HDAC9: variants seen among roughly 807,000 people sequenced by gnomAD.
The protein encoded by HDAC9 is histone deacetylase 9, also known as MEF-2 interacting transcription repressor (MITR) protein.
Under a neutral mutation model 139.4 loss-of-function variants are expected in HDAC9, and 41 were observed. The observed-to-expected ratio is 0.29, with a 90% CI of 0.23 to 0.38. The LOEUF is 0.38. HDAC9 is among the 10% of genes least tolerant of loss of function. The pLI is 1.00. For synonymous variants in HDAC9, 517 were observed against 476.2 expected (o/e 1.09, Z -1.12); for missense variants, 1,147 against 1,297.0 (o/e 0.88, Z 1.78).
At chr7:18,849,038 C>G (rs1797096097) in intron 21 of HDAC9, among the ~76,000 whole-genome samples, 1 of 152,144 alleles carries the variant, frequency 6.6e-6, no homozygotes, top group Admixed American at 6.5e-5. Flanking sequence ...TTCTATAGAA[C>G]ACAGTTTGAA....
chr7:18,378,154 A>G (rs1785138605), intron 1 of HDAC9, among the ~76,000 whole-genome samples: 1 of 152,176 alleles, frequency 6.6e-6, no homozygotes, highest in Admixed American at 6.5e-5. Context: ...TACTGATAGC[A>G]CTGACTGAAT....
chr7:18,702,811 T>G (rs1783610722), intron 12 of HDAC9, among the ~76,000 whole-genome samples: 1 of 152,230 alleles, frequency 6.6e-6, no homozygotes, highest in African/African-American at 2.4e-5. Context: ...CAACCAACAC[T>G]GCGGTTTTGT....
At chr7:18,352,218 A>T (rs1187976834) in intron 1 of HDAC9, among the ~76,000 whole-genome samples, 1 of 152,182 alleles carries the variant, frequency 6.6e-6, no homozygotes, top group Non-Finnish European at 1.5e-5. Flanking sequence ...TTTTTCTGAA[A>T]AATGTACATG....
At chr7:18,910,359 A>G (rs994630874) in intron 22 of HDAC9, among the ~76,000 whole-genome samples, 2 of 151,874 alleles carry the variant, frequency 1.3e-5, no homozygotes, top group African/African-American at 4.8e-5. Flanking sequence ...GTAGCTCACT[A>G]TTGGTATACA....
At chr7:18,396,059 C>A (rs574962976) in intron 1 of HDAC9, among the ~76,000 whole-genome samples, 1 of 145,906 alleles carries the variant, frequency 6.9e-6, no homozygotes, top group Admixed American at 6.9e-5. Context: ...GATTGTCCTG[C>A]CAATGACTCT....
chr7:18,136,629 T>C (rs1785439068), intron 1 of HDAC9, among the ~76,000 whole-genome samples: 1 of 152,202 alleles, frequency 6.6e-6, no homozygotes, highest in Non-Finnish European at 1.5e-5. Context: ...TGCGGTGTTA[T>C]TTCTGAGGGC....
intron 11 of HDAC9, among the ~76,000 whole-genome samples, chr7:18,660,245 C>A (rs934812716): frequency 1.3e-5 from 2 of 152,102 alleles, no homozygotes; most frequent in Non-Finnish European, 2.9e-5. Context: ...CAGCCTTAGT[C>A]AGATACCTAA....
Position 18,378,315 on chromosome 7 carries a change from A to C in HDAC9, c.-42+87800A>C, listed in dbSNP as rs377098629. On this transcript the variant is annotated intron_variant, in intron 1 of 3. Transcript: ENST00000413509. ...AGTTAAATTTCTGAGAGAGTAATTA[A>C]TTTAGTATGTGTTTGTTTATATCCG... Among the ~76,000 whole-genome samples, 6 of 152,292 alleles carry C rather than the reference A, an allele frequency of 3.9e-5. No individual in the cohort carries two copies. The East Asian group carries it at 9.6e-4, about 24-fold the overall frequency.
intron 6 of HDAC9, among the ~76,000 whole-genome samples, chr7:18,606,204 C>T (rs140449695): frequency 1.2e-4 from 19 of 152,228 alleles, no homozygotes; most frequent in African/African-American, 4.1e-4. Context: ...GATAGATCTA[C>T]GAAAATAATT....
chr7:18,966,367 C>T (rs1191779856), intron 24 of HDAC9, among the ~76,000 whole-genome samples: 1 of 152,168 alleles, frequency 6.6e-6, no homozygotes, highest in African/African-American at 2.4e-5. Context: ...GTCATGGTTG[C>T]TGTAGCTTGT....
At chr7:18,493,440 G>T (rs1343532708), upstream of HDAC9, among the ~76,000 whole-genome samples, 1 of 151,842 alleles carries the variant, frequency 6.6e-6, no homozygotes, top group African/African-American at 2.4e-5. Flanking sequence ...ATAAATGCTA[G>T]ACCTATATGG....
chr7:18,989,543 C>T (rs1252834614), intron 25 of HDAC9, among the ~76,000 whole-genome samples: 1 of 149,914 alleles, frequency 6.7e-6, no homozygotes, highest in African/African-American at 2.5e-5. Flanking sequence ...TGGAGTTGCT[C>T]TTCTTGAGGA....
intron 2 of HDAC9, among the ~76,000 whole-genome samples, chr7:18,282,941 T>C (rs1469166272): frequency 8.4e-6 from 1 of 119,200 alleles, no homozygotes; most frequent in Non-Finnish European, 1.9e-5. Context: ...TATGTGAAAC[T>C]CTTTGACCTT....
Position 18,793,468 on chromosome 7 carries a change from CATTAAGTGTGGGAA to C in HDAC9, c.2322+19_2322+32del. Reference sequence around the variant, plus strand: ...AGAGCTGAAGGTGAGGTCCGGGTTGCATTAAGTGTGGGAAATCCAGAGAAGAAACTGAAACAGAG... The same window carrying C: ...AGAGCTGAAGGTGAGGTCCGGGTTGCATCCAGAGAAGAAACTGAAACAGAG... On this transcript the variant is annotated intron_variant, in intron 17 of 25. Transcript: ENST00000686413. 1 of 1,476,640 alleles carries C rather than the reference CATTAAGTGTGGGAA, an allele frequency of 6.8e-7. No individual in the cohort carries two copies. The highest frequency in any genetic ancestry group is 9.3e-7 in the Non-Finnish European group (1 of 1,075,712). 91.5% of individuals were successfully genotyped at this position (1,476,640 alleles called of 1,614,324 possible).
Position 18,495,811 on chromosome 7 carries a change from G to T in HDAC9, c.-254G>T. ...GCTGGAGCCACTTGCAGGACTGAGG[G>T]TTTTTGCAACAAAACCCTAGCAGCC... is the stretch of plus-strand genomic sequence containing the variant. On this transcript the variant is annotated 5_prime_UTR_variant, in exon 1 of 26. Coordinates refer to ENST00000686413, the MANE Select transcript of HDAC9 (RefSeq NM_178425.4). 2.0e-6 allele frequency: 2 copies of T among 1,013,704 alleles called. No individual in the cohort carries two copies. Among genetic ancestry groups the T allele is most frequent in the Non-Finnish European group, 2.4e-6 (2 of 848,966 alleles). 62.8% of individuals were successfully genotyped at this position (1,013,704 alleles called of 1,614,324 possible). A position where few individuals can be genotyped will look rare whatever the true frequency, so the allele number is the denominator to read the frequency against.
chr7:18,838,157 C>T (rs1796359248), intron 21 of HDAC9, among the ~76,000 whole-genome samples: 1 of 152,006 alleles, frequency 6.6e-6, no homozygotes, highest in Non-Finnish European at 1.5e-5. Context: ...ACAGGTAAGT[C>T]ATTCATTTCA....
intron 7 of HDAC9, among the ~76,000 whole-genome samples, chr7:18,630,309 C>G (rs187493746): frequency 4.5e-4 from 68 of 151,992 alleles, no homozygotes; most frequent in African/African-American, 1.4e-3. Context: ...TTCCCATTCT[C>G]AAGGAAAACT....
At chr7:18,533,491 T>C (rs533885682) in intron 2 of HDAC9, among the ~76,000 whole-genome samples, 214 of 152,336 alleles carry the variant, frequency 1.4e-3, no homozygotes, top group Non-Finnish European at 2.2e-3. Flanking sequence ...TAGATTTGTA[T>C]GACTGGGCAT....
intron 6 of HDAC9, among the ~76,000 whole-genome samples, chr7:18,594,980 A>G (rs1306295622): frequency 6.6e-6 from 1 of 152,116 alleles, no homozygotes; most frequent in Non-Finnish European, 1.5e-5. Context: ...AAATGATTTC[A>G]AATAATTATA....
Sources: gnomAD v4.1 joint callset for allele counts (sites outside exome capture counted in the v4.1 genomes callset) on GRCh38, gnomAD v4.1.1 for gene constraint, MANE v1.5 for transcripts, NCBI Gene and HGNC (gene_info 2026-07-23, HGNC 2026-07-21) for gene names.